The following TUT4 variants were observed in gnomAD, a reference collection of about 807,000 sequenced individuals.
TUT4 encodes terminal uridylyltransferase 4.
In TUT4, 36 loss-of-function variants were observed where a neutral mutation model predicts 192.2. The ratio of observed to expected loss-of-function variants is 0.19; its 90% CI spans 0.14 to 0.25. The LOEUF is 0.25. Among genes scored for constraint, TUT4 ranks in the 10% least tolerant of loss-of-function variants. The pLI is 1.00. For synonymous variants in TUT4, 618 were observed against 666.0 expected (o/e 0.93, Z 1.11); for missense variants, 1,493 against 1,957.2 (o/e 0.76, Z 4.47).
At chr1:52,459,769 T>A (rs1662036604) in intron 19 of TUT4, among the ~76,000 whole-genome samples, 1 of 151,654 alleles carries the variant, frequency 6.6e-6, no homozygotes, top group African/African-American at 2.4e-5. Context: ...TAATCCCAGC[T>A]ACTCTGGAGG....
intron 3 of TUT4, chr1:52,515,671 G>T (rs1557915116): frequency 1.6e-6 from 1 of 625,388 alleles, no homozygotes; most frequent in East Asian, 2.7e-5. Context: ...CCAACTCTTG[G>T]GATGAATGAA....
At chr1:52,428,847 T>C (rs192348440) in intron 28 of TUT4, among the ~76,000 whole-genome samples, 17 of 152,100 alleles carry the variant, frequency 1.1e-4, no homozygotes, top group African/African-American at 2.9e-4. Flanking sequence ...GGGTATTAGA[T>C]GATACTAGGT....
At chr1:52,472,878 TGTTA>T (rs1313253753) in intron 13 of TUT4, among the ~76,000 whole-genome samples, 1 of 152,146 alleles carries the variant, frequency 6.6e-6, no homozygotes, top group Non-Finnish European at 1.5e-5. Flanking sequence ...CTTTCTCCAA[TGTTA>T]GCCTGGACAT....
rs1264264151 is a variant in TUT4 at position 52,472,973 on chromosome 1, G to A, written c.2728-871C>T. Among the ~76,000 whole-genome samples the A allele has an allele frequency of 3.3e-5, 5 of 152,102 alleles. No homozygotes were observed. In the East Asian group the frequency reaches 7.7e-4, roughly 23 times the overall value. ...ATGATGCACTGTGGGCTAATTAACA[G>A]TACTACAAGAATCTCTATCACCTTT... On this transcript the variant is annotated intron_variant, in intron 13 of 29. Coordinates refer to ENST00000257177, the MANE Select transcript of TUT4 (RefSeq NM_001009881.3).
At chr1:52,486,845 C>T (rs1447426342) in intron 9 of TUT4, among the ~76,000 whole-genome samples, 1 of 152,004 alleles carries the variant, frequency 6.6e-6, no homozygotes, top group Non-Finnish European at 1.5e-5. Context: ...TATTTATGGG[C>T]CATATTTTTT....
intron 1 of TUT4, among the ~76,000 whole-genome samples, chr1:52,538,894 G>C (rs1458618691): frequency 1.3e-5 from 2 of 152,040 alleles, no homozygotes; most frequent in Non-Finnish European, 2.9e-5. Context: ...AGGTAAAGTG[G>C]CTTACACCTG....
intron 26 of TUT4, among the ~76,000 whole-genome samples, chr1:52,435,816 G>A (rs983881284): frequency 5.3e-5 from 8 of 152,068 alleles, no homozygotes; most frequent in African/African-American, 1.7e-4. Context: ...AGGCTGAGGT[G>A]GGAGGATCAC....
chr1:52,450,439 T>G lies in TUT4; in HGVS notation c.3436-3772A>C, dbSNP rs1181302175. On this transcript the variant is annotated intron_variant, in intron 20 of 29. Coordinates refer to ENST00000257177, the MANE Select transcript of TUT4 (RefSeq NM_001009881.3). ...TGAACTGTCTCTTGTTTGATCAATA[T>G]TAAGCAGATGTCTGTTAAACAGATA... is the stretch of plus-strand genomic sequence containing the variant. Among the ~76,000 whole-genome samples the G allele has an allele frequency of 3.9e-5, 6 of 152,202 alleles. No individual in the cohort carries two copies. In the East Asian group the frequency reaches 1.2e-3, roughly 29 times the overall value.
chr1:52,538,987 C>T (rs751468806), intron 1 of TUT4, among the ~76,000 whole-genome samples: 25 of 152,076 alleles, frequency 1.6e-4, no homozygotes, highest in Non-Finnish European at 3.2e-4. Flanking sequence ...TGTGAACCAC[C>T]ACTAGTTATA....
intron 25 of TUT4, chr1:52,437,806 T>G (rs1654266761): frequency 6.5e-6 from 1 of 154,050 alleles, no homozygotes; most frequent in African/African-American, 2.4e-5. Context: ...ATACAAAAAA[T>G]TAGCTGGGCA....
chr1:52,526,332 C>A lies in TUT4; in HGVS notation c.-52G>T, dbSNP rs776121444. The A allele has an allele frequency of 1.1e-5, 16 of 1,400,636 alleles. No homozygotes were observed. The South Asian group carries it at 2.8e-4, about 25-fold the overall frequency. 86.8% of individuals were successfully genotyped at this position (1,400,636 alleles called of 1,614,324 possible). On this transcript the variant is annotated 5_prime_UTR_variant, in exon 2 of 30. Coordinates refer to ENST00000257177, the MANE Select transcript of TUT4 (RefSeq NM_001009881.3). ...TGTGATATTATAAAATGGCAGATCT[C>A]CAGTAGTTTAAATTGCTTCAAGTCC...
In TUT4 at chr1:52,431,221, G is replaced by A. The variant is rs945575191; in HGVS notation, c.4503C>T (p.Ile1501=). The change falls in exon 28 of 30, where the codon ATC becomes ATT. Residue 1501 remains isoleucine, a synonymous_variant. Coordinates refer to ENST00000257177, the MANE Select transcript of TUT4 (RefSeq NM_001009881.3). ...CATGGATGGGCCAGGACGGGGCAGG[G>A]ATCTGGAGAGGGTGCATTGGCAACA... ...MGLLPMHPLQ[I]PAPSWPIHGP... 3 of 1,614,220 alleles carry A rather than the reference G, an allele frequency of 1.9e-6. No individual in the cohort carries two copies. The East Asian group carries it at 6.7e-5, about 36-fold the overall frequency.
At position 52,431,416 on chromosome 1, in the gene TUT4, C is replaced by T; in HGVS notation, c.4308G>A (p.Gln1436=). ...TAATAGCAGCTGACTGGGAAGAGTT[C>T]TGTGGAAATGGCTGAGGCTGAGGAG... is the stretch of plus-strand genomic sequence containing the variant. ...SYSPQPQPFP[Q]NSSQSAAITQ... is the part of the protein sequence containing the mutation. The change falls in exon 28 of 30, where the codon CAG becomes CAA. Residue 1436 remains glutamine, a synonymous_variant. Transcript: ENST00000257177. The T allele has an allele frequency of 6.2e-7, 1 of 1,613,696 alleles. No individual in the cohort carries two copies. The highest frequency in any genetic ancestry group is 8.5e-7 in the Non-Finnish European group (1 of 1,179,876).
At chr1:52,496,495 T>C (rs1672472973) in intron 5 of TUT4, among the ~76,000 whole-genome samples, 1 of 152,186 alleles carries the variant, frequency 6.6e-6, no homozygotes, top group South Asian at 2.1e-4. Context: ...TTACGTCAGA[T>C]ACATTTACTT....
chr1:52,539,257 A>G (rs1685828839), intron 1 of TUT4, among the ~76,000 whole-genome samples: 1 of 152,238 alleles, frequency 6.6e-6, no homozygotes, highest in Non-Finnish European at 1.5e-5. Flanking sequence ...GAATATCACT[A>G]GAAGATAGAA....
chr1:52,541,704 CAAAGA>C (rs1403671029), intron 1 of TUT4, among the ~76,000 whole-genome samples: 1 of 151,792 alleles, frequency 6.6e-6, no homozygotes, highest in African/African-American at 2.4e-5. Flanking sequence ...ACACTTAAAG[CAAAGA>C]AAACTAAAGA....
chr1:52,468,168 A>G lies in TUT4; in HGVS notation c.2965+13T>C, dbSNP rs774066586. 1.3e-6 allele frequency: 2 copies of G among 1,583,464 alleles called. No homozygotes were observed. Among genetic ancestry groups the G allele is most frequent in the Admixed American group, 3.7e-5 (2 of 54,562 alleles). ...CAGCAAAAACGCAATAAATTTTTTA[A>G]CCTATGACATACCATCATATTCTTT... is the stretch of plus-strand genomic sequence containing the variant. On this transcript the variant is annotated intron_variant, in intron 15 of 29. Coordinates refer to ENST00000257177, the MANE Select transcript of TUT4 (RefSeq NM_001009881.3).
chr1:52,445,208 A>G (rs748977371), intron 24 of TUT4, among the ~76,000 whole-genome samples: 4 of 152,094 alleles, frequency 2.6e-5, no homozygotes, highest in Non-Finnish European at 5.9e-5. Context: ...AAAGCAGGCA[A>G]AAACCAGAGT....
chr1:52,514,531 A>C (rs147423174), intron 3 of TUT4, among the ~76,000 whole-genome samples: 208 of 152,132 alleles, frequency 1.4e-3, no homozygotes, highest in African/African-American at 4.6e-3. Flanking sequence ...ATACAACCCA[A>C]ACTCTCTCCT....
Sources: allele counts gnomAD v4.1 joint callset (sites outside exome capture counted in the v4.1 genomes callset), GRCh38; gene constraint gnomAD v4.1.1; transcripts MANE v1.5; gene names NCBI Gene and HGNC (gene_info 2026-07-23, HGNC 2026-07-21).